The following SLC8A1 variants were observed in gnomAD, a reference collection of about 807,000 sequenced individuals.
SLC8A1 encodes the protein solute carrier family 8 member A1.
Under a neutral mutation model 68.3 loss-of-function variants are expected in SLC8A1, and 18 were observed. The observed-to-expected ratio is 0.26, with a 90% confidence interval of 0.18 to 0.39. The LOEUF is 0.39. Ranked by LOEUF, SLC8A1 falls within the 10% of genes least tolerant of loss-of-function variation. SLC8A1 has a pLI of 1.00. For missense variants in SLC8A1, 985 were observed against 1,156.7 expected (o/e 0.85, Z 2.15); for synonymous variants, 475 against 415.5 (o/e 1.14, Z -1.74).
chr2:40,159,604 A>G (rs535791977), intron 6 of SLC8A1, among the ~76,000 whole-genome samples: 1 of 152,304 alleles, frequency 6.6e-6, no homozygotes, highest in South Asian at 2.1e-4. Flanking sequence ...TGCCTCATAT[A>G]TTAAGCTTAG....
At chr2:40,348,940 T>C (rs151092600) in intron 2 of SLC8A1, among the ~76,000 whole-genome samples, 475 of 152,312 alleles carry the variant, frequency 3.1e-3, no homozygotes, top group Middle Eastern at 0.01. Context: ...TAAATGAATC[T>C]TCCCACTAAT....
chr2:40,238,399 T>G (rs1033906012), intron 2 of SLC8A1, among the ~76,000 whole-genome samples: 1 of 151,148 alleles, frequency 6.6e-6, no homozygotes, highest in Non-Finnish European at 1.5e-5. Context: ...TTTCTTTGAC[T>G]CGGAAGGGAA....
At chr2:40,428,447 ACAC>A in intron 2 of SLC8A1, 23 bp downstream of exon 2, 1 of 1,522,660 alleles carries the variant, frequency 6.6e-7, no homozygotes. Flanking sequence ...ACACACACAC[ACAC>A]ACATATATAA....
At chr2:40,501,094 C>A (rs1706035214) in intron 1 of SLC8A1, among the ~76,000 whole-genome samples, 1 of 151,982 alleles carries the variant, frequency 6.6e-6, no homozygotes, top group South Asian at 2.1e-4. Flanking sequence ...TCCTTTGCTG[C>A]ATTTTTCTGT....
intron 5 of SLC8A1, among the ~76,000 whole-genome samples, chr2:40,161,895 A>G (rs563205255): frequency 2.0e-5 from 3 of 152,336 alleles, no homozygotes; most frequent in African/African-American, 7.2e-5. Flanking sequence ...GTTTTATGCA[A>G]TGTACTTGAG....
At chr2:40,220,235 A>C (rs1574253086) in intron 2 of SLC8A1, 1 of 152,080 alleles carries the variant, frequency 6.6e-6, no homozygotes, top group African/African-American at 2.4e-5. Context: ...GGAGGAAAAC[A>C]GTGGAGAGAA....
chr2:40,375,572 C>T (rs1165127023), intron 2 of SLC8A1, among the ~76,000 whole-genome samples: 1 of 152,008 alleles, frequency 6.6e-6, no homozygotes, highest in African/African-American at 2.4e-5. Context: ...AGGATCATTA[C>T]CACAGATAGA....
At chr2:40,400,115 G>C (rs551448463) in intron 2 of SLC8A1, among the ~76,000 whole-genome samples, 1 of 152,276 alleles carries the variant, frequency 6.6e-6, no homozygotes, top group South Asian at 2.1e-4. Flanking sequence ...CACCCCCTTA[G>C]AGTTGTGAGC....
At chr2:40,437,633 T>C (rs939333388) in intron 1 of SLC8A1, among the ~76,000 whole-genome samples, 2 of 152,058 alleles carry the variant, frequency 1.3e-5, no homozygotes, top group Non-Finnish European at 2.9e-5. Context: ...CTATAACAAG[T>C]AGGTTAACAC....
At chr2:40,107,278 T>TAAAAAAAAAAA (rs2034262833) in exon 8 of SLC8A1, 1 of 5,104 alleles carries the variant, frequency 2.0e-4, no homozygotes, top group Non-Finnish European at 6.9e-4. Context: ...AGACTCCGTC[T>TAAAAAAAAAAA]CAAAAAAAAA....
chr2:40,391,628 T>G (rs1685297285), intron 2 of SLC8A1, among the ~76,000 whole-genome samples: 1 of 152,040 alleles, frequency 6.6e-6, no homozygotes, highest in African/African-American at 2.4e-5. Flanking sequence ...TACTTCAAAG[T>G]CTTCTGAGAC....
intron 1 of SLC8A1, among the ~76,000 whole-genome samples, chr2:40,447,663 A>G (rs1701702923): frequency 6.6e-6 from 1 of 152,026 alleles, no homozygotes; most frequent in African/African-American, 2.4e-5. Flanking sequence ...TTCTCGGATA[A>G]TATTTCATTT....
rs142841819 is a variant in SLC8A1 at position 40,284,255 on chromosome 2, C to A, written c.1809-106400G>T. Among the ~76,000 whole-genome samples, 514 of 149,546 alleles carry A rather than the reference C, an allele frequency of 3.4e-3. 2 individuals are homozygous for A. The highest frequency in any genetic ancestry group is 0.012 in the African/African-American group (487 of 40,876). ...GCCAATATCTATAACATATTTCTCTCTATATATAAATATATAGAGACATCT... is the reference window on the plus strand; with the variant it reads ...GCCAATATCTATAACATATTTCTCTATATATATAAATATATAGAGACATCT... On this transcript the variant is annotated intron_variant, in intron 2 of 7. Coordinates refer to ENST00000406785, the Ensembl canonical transcript of SLC8A1.
At chr2:40,437,912 A>G (rs1699738888) in intron 1 of SLC8A1, among the ~76,000 whole-genome samples, 1 of 152,140 alleles carries the variant, frequency 6.6e-6, no homozygotes, top group Non-Finnish European at 1.5e-5. Context: ...AGAATCAAGG[A>G]GTGAGTCCCT....
At chr2:40,274,374 C>A (rs2066438151) in intron 2 of SLC8A1, among the ~76,000 whole-genome samples, 1 of 151,926 alleles carries the variant, frequency 6.6e-6, no homozygotes, top group African/African-American at 2.4e-5. Flanking sequence ...CTGTCCAGCC[C>A]CACACTGAAG....
chr2:40,306,096 G>A (rs1223137468), intron 2 of SLC8A1, among the ~76,000 whole-genome samples: 1 of 152,174 alleles, frequency 6.6e-6, no homozygotes, highest in African/African-American at 2.4e-5. Flanking sequence ...TTATACAGAT[G>A]CATTTGACAT....
At chr2:40,258,750 G>A (rs2064285166) in intron 2 of SLC8A1, among the ~76,000 whole-genome samples, 1 of 151,988 alleles carries the variant, frequency 6.6e-6, no homozygotes, top group African/African-American at 2.4e-5. Flanking sequence ...GATGACGCAG[G>A]AGAATCACTT....
At chr2:40,280,440 A>C in intron 2 of SLC8A1, among the ~76,000 whole-genome samples, 1 of 152,166 alleles carries the variant, frequency 6.6e-6, no homozygotes, top group East Asian at 1.9e-4. Context: ...TTGGATAACT[A>C]TTCTTTCTTG....
At chr2:40,383,716 T>C (rs1429147489) in intron 2 of SLC8A1, among the ~76,000 whole-genome samples, 5 of 152,110 alleles carry the variant, frequency 3.3e-5, no homozygotes, top group Admixed American at 6.6e-5. Context: ...ATCCATTTGA[T>C]GGATTTTGTC....
Sources: allele counts gnomAD v4.1 joint callset (sites outside exome capture counted in the v4.1 genomes callset), GRCh38; gene constraint gnomAD v4.1.1; transcripts MANE v1.5; gene names NCBI Gene and HGNC (gene_info 2026-07-23, HGNC 2026-07-21).